The following PBX1 variants were observed in gnomAD, a reference collection of about 807,000 sequenced individuals.
The protein encoded by PBX1 is pre-B-cell leukemia transcription factor 1.
A neutral mutation model predicts 53.4 loss-of-function variants in PBX1; 6 were observed. The ratio of observed to expected loss-of-function variants is 0.11; its 90% CI spans 0.06 to 0.22. The LOEUF (loss-of-function observed/expected upper bound fraction) is 0.22. Ranked by LOEUF, PBX1 falls within the 10% of genes least tolerant of loss-of-function variation. The pLI, the probability that PBX1 is intolerant of heterozygous loss-of-function variation, is 1.00. For missense variants in PBX1, 251 were observed against 551.4 expected (o/e 0.46, Z 5.46); for synonymous variants, 204 against 212.3 (o/e 0.96, Z 0.34).
rs1022163529 is a variant in PBX1 at position 164,659,378 on chromosome 1, G to T, written c.265+96067G>T. Among the ~76,000 whole-genome samples the T allele has an allele frequency of 2.6e-5, 4 of 152,134 alleles. No homozygotes were observed. The South Asian group carries it at 8.3e-4, about 32-fold the overall frequency. On this transcript the variant is annotated intron_variant, in intron 2 of 8. Coordinates refer to ENST00000420696, the MANE Select transcript of PBX1 (RefSeq NM_002585.4). ...ACAGACCTGGAAAAGGCATTTTTCT[G>T]CCACTTCCTCATTGGGAATGTAACT...
intron 2 of PBX1, among the ~76,000 whole-genome samples, chr1:164,736,598 C>G (rs1281295777): frequency 6.6e-6 from 1 of 152,116 alleles, no homozygotes; most frequent in Non-Finnish European, 1.5e-5. Context: ...ACATTATCCT[C>G]CAGAAAATAC....
intron 5 of PBX1, among the ~76,000 whole-genome samples, chr1:164,810,478 ATT>A (rs987362794): frequency 6.6e-6 from 1 of 151,692 alleles, no homozygotes; most frequent in African/African-American, 2.4e-5. Flanking sequence ...TTCAGCTCAT[ATT>A]TTTTTTACAT....
At chr1:164,687,316 C>T (rs1662165559) in intron 2 of PBX1, among the ~76,000 whole-genome samples, 2 of 152,092 alleles carry the variant, frequency 1.3e-5, no homozygotes, top group Non-Finnish European at 2.9e-5. Context: ...AATCCCAGCA[C>T]TTTGGGAGGC....
intron 2 of PBX1, among the ~76,000 whole-genome samples, chr1:164,866,102 C>T (rs193225904): frequency 2.6e-5 from 4 of 152,230 alleles, no homozygotes; most frequent in African/African-American, 4.8e-5. Context: ...CAGATCATGG[C>T]GCTTAAAAAC....
chr1:164,832,553 G>A (rs1171424728), intron 8 of PBX1, among the ~76,000 whole-genome samples: 2 of 152,112 alleles, frequency 1.3e-5, no homozygotes, highest in South Asian at 2.1e-4. Flanking sequence ...TAGAATCTAG[G>A]TGTGAAGTAT....
chr1:164,652,715 ATAGT>A (rs927696746), intron 2 of PBX1, among the ~76,000 whole-genome samples: 33 of 152,286 alleles, frequency 2.2e-4, no homozygotes, highest in African/African-American at 7.5e-4. Flanking sequence ...ATACAGCAAA[ATAGT>A]TAGACCTAAA....
chr1:164,649,898 G>A (rs1240234353), intron 2 of PBX1, among the ~76,000 whole-genome samples: 1 of 152,046 alleles, frequency 6.6e-6, no homozygotes, highest in Non-Finnish European at 1.5e-5. Flanking sequence ...GCCAGCTTTG[G>A]GGGTTCTTTG....
chr1:164,785,305 C>T (rs1056649187), intron 2 of PBX1, among the ~76,000 whole-genome samples: 1 of 152,162 alleles, frequency 6.6e-6, no homozygotes, highest in Non-Finnish European at 1.5e-5. Context: ...CATTTCACAT[C>T]AAACAGAGAG....
At chr1:164,768,787 A>G (rs1024333379) in intron 2 of PBX1, among the ~76,000 whole-genome samples, 3 of 152,152 alleles carry the variant, frequency 2.0e-5, no homozygotes, top group South Asian at 2.1e-4. Flanking sequence ...AAATCCATTC[A>G]TCACGCCTGT....
chr1:164,747,002 T>C (rs1665928873), intron 2 of PBX1, among the ~76,000 whole-genome samples: 2 of 152,336 alleles, frequency 1.3e-5, no homozygotes, highest in South Asian at 4.1e-4. Flanking sequence ...CTGCATTTTT[T>C]CATTTCATTC....
chr1:164,565,626 C>G (rs147888445), intron 2 of PBX1, among the ~76,000 whole-genome samples: 15 of 152,188 alleles, frequency 9.9e-5, no homozygotes, highest in South Asian at 4.1e-4. Context: ...TGAAAAGAAC[C>G]CTTTGATTCT....
chr1:164,570,549 A>G (rs1214414301), intron 2 of PBX1, among the ~76,000 whole-genome samples: 3 of 152,002 alleles, frequency 2.0e-5, no homozygotes, highest in Non-Finnish European at 2.9e-5. Flanking sequence ...CATCCTTTTT[A>G]TGGCTCCATA....
chr1:164,690,877 G>A (rs764424471), intron 2 of PBX1, among the ~76,000 whole-genome samples: 22 of 152,024 alleles, frequency 1.4e-4, no homozygotes, highest in Non-Finnish European at 2.8e-4. Context: ...GTGGAGATTC[G>A]GAGAGGCTTG....
At chr1:164,740,067 A>T (rs531356597) in intron 2 of PBX1, among the ~76,000 whole-genome samples, 53 of 152,200 alleles carry the variant, frequency 3.5e-4, no homozygotes, top group Non-Finnish European at 6.5e-4. Context: ...TTTATGTCTG[A>T]AGAAGAAACA....
intron 2 of PBX1, among the ~76,000 whole-genome samples, chr1:164,856,993 T>G (rs1188814211): frequency 6.6e-6 from 1 of 152,154 alleles, no homozygotes. Flanking sequence ...ATGCCACTTC[T>G]GACAACAGAT....
intron 2 of PBX1, among the ~76,000 whole-genome samples, chr1:164,659,237 C>T (rs1283011309): frequency 6.6e-6 from 1 of 152,190 alleles, no homozygotes; most frequent in Non-Finnish European, 1.5e-5. Flanking sequence ...TGCAGATATA[C>T]ATCGATTCAC....
At position 164,726,597 on chromosome 1, in the gene PBX1, A is replaced by T. The variant is rs562683121; in HGVS notation, c.266-65897A>T. 3.9e-5 allele frequency among the ~76,000 whole-genome samples: 6 copies of T among 152,372 alleles called. No homozygotes were observed. The East Asian group carries it at 1.2e-3, about 29-fold the overall frequency. ...GTAAGCATAGCCACTTACCACATTG[A>T]ATTAGCACTACGCTTGACATCTATT... On this transcript the variant is annotated intron_variant, in intron 2 of 8. Transcript: ENST00000420696.
chr1:164,699,276 T>A (rs913221977), intron 2 of PBX1, among the ~76,000 whole-genome samples: 1 of 152,206 alleles, frequency 6.6e-6, no homozygotes, highest in Non-Finnish European at 1.5e-5. Flanking sequence ...TCGAAAATGA[T>A]GAAAATACAA....
intron 2 of PBX1, among the ~76,000 whole-genome samples, chr1:164,628,242 C>T (rs184613335): frequency 3.3e-5 from 5 of 152,318 alleles, no homozygotes; most frequent in Admixed American, 3.3e-4. Flanking sequence ...CTGTAGTCAT[C>T]TAATGAGACT....
Sources: gnomAD v4.1 joint callset for allele counts (sites outside exome capture counted in the v4.1 genomes callset) on GRCh38, gnomAD v4.1.1 for gene constraint, MANE v1.5 for transcripts, NCBI Gene and HGNC (gene_info 2026-07-23, HGNC 2026-07-21) for gene names.